The following SLC20A2 variants were observed in gnomAD, a reference collection of about 807,000 sequenced individuals.
SLC20A2 encodes the protein solute carrier family 20 member 2, also known as sodium-dependent phosphate transporter 2.
SLC20A2 carries 30 observed loss-of-function variants against 61.0 expected under a neutral mutation model. That is an observed-to-expected ratio of 0.49 (90% CI 0.37 to 0.67). SLC20A2 has a LOEUF of 0.67. SLC20A2 is among the 30% of genes least tolerant of loss of function. SLC20A2 has a pLI of 0.00. For missense variants in SLC20A2, 626 were observed against 866.4 expected (o/e 0.72, Z 3.48); for synonymous variants, 351 against 353.3 (o/e 0.99, Z 0.07).
At chr8:42,456,353 T>C (rs1806196329) in intron 5 of SLC20A2, among the ~76,000 whole-genome samples, 1 of 152,174 alleles carries the variant, frequency 6.6e-6, no homozygotes, top group African/African-American at 2.4e-5. Flanking sequence ...TGGCTCAGTC[T>C]CTTAAGTCAG....
intron 1 of SLC20A2, among the ~76,000 whole-genome samples, chr8:42,532,744 G>C (rs1263294825): frequency 6.6e-6 from 1 of 152,198 alleles, no homozygotes; most frequent in Admixed American, 6.5e-5. Context: ...ACCAGAGCTA[G>C]ATAAGACACA....
intron 5 of SLC20A2, among the ~76,000 whole-genome samples, chr8:42,449,832 C>T (rs1805504991): frequency 2.0e-5 from 3 of 152,216 alleles, no homozygotes; most frequent in Admixed American, 2.0e-4. Flanking sequence ...TAGGTAGGCA[C>T]AGACACCATG....
intron 5 of SLC20A2, among the ~76,000 whole-genome samples, chr8:42,455,241 A>AATATATATAT (rs71548582): frequency 2.9e-5 from 3 of 102,586 alleles, no homozygotes; most frequent in African/African-American, 1.5e-4. Context: ...AAAAAAAAAA[A>AATATATATAT]ATATATATAT....
At chr8:42,490,898 C>T (rs1047395334) in intron 1 of SLC20A2, among the ~76,000 whole-genome samples, 1 of 152,046 alleles carries the variant, frequency 6.6e-6, no homozygotes, top group African/African-American at 2.4e-5. Flanking sequence ...TTTTAAAAAC[C>T]TTTATAACAG....
At chr8:42,541,759 C>G (rs1163310866) in intron 1 of SLC20A2, 3 of 149,344 alleles carry the variant, frequency 2.0e-5, no homozygotes. Flanking sequence ...CCGCGTCACC[C>G]GGCCCCGCCC....
At position 42,529,091 on chromosome 8, in the gene SLC20A2, C is replaced by T. The variant is rs941017807; in HGVS notation, c.-265+12730G>A. On this transcript the variant is annotated intron_variant, in intron 1 of 10. Transcript: ENST00000342228. The stretch of plus-strand genomic sequence containing the variant: ...TTTGGCTCAAGCAATCCTTCCACTT[C>T]ACTTTCCCAAGTAGATGGGACTACA... Among the ~76,000 whole-genome samples the T allele has an allele frequency of 5.9e-5, 9 of 152,230 alleles. No homozygotes were observed. The East Asian group carries it at 1.5e-3, about 26-fold the overall frequency.
chr8:42,460,242 C>CTGT, intron 4 of SLC20A2: 1 of 352,778 alleles, frequency 2.8e-6, no homozygotes, highest in Non-Finnish European at 5.4e-6. Context: ...ACATTAAAGC[C>CTGT]CTGGAATCAC....
At chr8:42,421,932 C>T (rs1803073868) in intron 10 of SLC20A2, among the ~76,000 whole-genome samples, 1 of 152,102 alleles carries the variant, frequency 6.6e-6, no homozygotes, top group Admixed American at 6.6e-5. Flanking sequence ...CAACTTGAGC[C>T]CCTGCGAGGA....
At chr8:42,452,700 G>C (rs1272596515) in intron 5 of SLC20A2, among the ~76,000 whole-genome samples, 1 of 151,474 alleles carries the variant, frequency 6.6e-6, no homozygotes, top group South Asian at 2.1e-4. Flanking sequence ...AGATGGAGGA[G>C]GGGAGGAAGA....
chr8:42,427,073 G>A (rs930220288), intron 10 of SLC20A2, among the ~76,000 whole-genome samples: 10 of 152,328 alleles, frequency 6.6e-5, no homozygotes, highest in African/African-American at 1.7e-4. Context: ...AATGGGTGGC[G>A]GGCACACCTG....
At chr8:42,482,957 A>T (rs1170030435) in intron 1 of SLC20A2, among the ~76,000 whole-genome samples, 2 of 152,040 alleles carry the variant, frequency 1.3e-5, no homozygotes, top group Non-Finnish European at 2.9e-5. Context: ...GAGGCAGGAG[A>T]GTCGCTTGAA....
chr8:42,425,432 G>C (rs912646581), intron 10 of SLC20A2, among the ~76,000 whole-genome samples: 1 of 152,204 alleles, frequency 6.6e-6, no homozygotes, highest in Non-Finnish European at 1.5e-5. Context: ...TGTGATATGA[G>C]AGAATAAGTG....
chr8:42,438,178 A>G (rs1487253460), intron 7 of SLC20A2, among the ~76,000 whole-genome samples: 1 of 151,646 alleles, frequency 6.6e-6, no homozygotes, highest in Non-Finnish European at 1.5e-5. Context: ...TCCAGAAATT[A>G]CTATGGCACT....
At chr8:42,509,842 G>A (rs1810933636) in intron 1 of SLC20A2, among the ~76,000 whole-genome samples, 1 of 152,026 alleles carries the variant, frequency 6.6e-6, no homozygotes, top group South Asian at 2.1e-4. Context: ...CAAAACAAAA[G>A]AGCACTAATA....
At chr8:42,519,465 A>G (rs1408950661) in intron 1 of SLC20A2, among the ~76,000 whole-genome samples, 1 of 146,412 alleles carries the variant, frequency 6.8e-6, no homozygotes, top group Non-Finnish European at 1.5e-5. Flanking sequence ...AAAAATTACA[A>G]CCAACACCTG....
chr8:42,494,180 T>C (rs765983979), intron 1 of SLC20A2, among the ~76,000 whole-genome samples: 2 of 152,028 alleles, frequency 1.3e-5, no homozygotes, highest in Non-Finnish European at 2.9e-5. Context: ...ATTTGATAAA[T>C]ATAGAAAATG....
At chr8:42,474,279 C>T (rs936125689) in intron 1 of SLC20A2, among the ~76,000 whole-genome samples, 1 of 152,080 alleles carries the variant, frequency 6.6e-6, no homozygotes, top group African/African-American at 2.4e-5. Flanking sequence ...CTTTCCTCCC[C>T]AAACTGTATA....
exon 1 of SLC20A2, chr8:42,541,881 C>A (rs1813225909): frequency 6.6e-6 from 1 of 152,104 alleles, no homozygotes; most frequent in Non-Finnish European, 1.5e-5. Flanking sequence ...CGGCGCGGAG[C>A]CCCTCGGCGT....
intron 1 of SLC20A2, among the ~76,000 whole-genome samples, chr8:42,526,517 C>T (rs1811955661): frequency 6.6e-6 from 1 of 151,618 alleles, no homozygotes; most frequent in Non-Finnish European, 1.5e-5. Context: ...ACTAAAAATA[C>T]AAAAAATTAG....
Sources: allele counts gnomAD v4.1 joint callset (sites outside exome capture counted in the v4.1 genomes callset), GRCh38; gene constraint gnomAD v4.1.1; transcripts MANE v1.5; gene names NCBI Gene and HGNC (gene_info 2026-07-23, HGNC 2026-07-21).